Variants in ARHGAP22 observed in about 807,000 individuals in gnomAD.
ARHGAP22 encodes the protein rho GTPase-activating protein 22.
Under a neutral mutation model 59.1 loss-of-function variants are expected in ARHGAP22, and 48 were observed. That is an observed-to-expected ratio of 0.81 (90% confidence interval 0.64 to 1.03). ARHGAP22 has a LOEUF of 1.03. Ranked by LOEUF, ARHGAP22 falls within the 50% of genes least tolerant of loss-of-function variation. The pLI is 0.00. For synonymous variants in ARHGAP22, 445 were observed against 416.4 expected, an observed-to-expected ratio of 1.07 and a Z score of -0.84; for missense variants, 1,015 against 958.7, an observed-to-expected ratio of 1.06 and a Z score of -0.78.
At chr10:48,477,889 T>C (rs963394985) in intron 4 of ARHGAP22, among the ~76,000 whole-genome samples, 1 of 152,234 alleles carries the variant, frequency 6.6e-6, no homozygotes, top group Non-Finnish European at 1.5e-5. Flanking sequence ...ACCACATGTG[T>C]TGCAAACGCC....
intron 3 of ARHGAP22, among the ~76,000 whole-genome samples, chr10:48,512,356 G>A (rs2134567696): frequency 6.6e-6 from 1 of 152,338 alleles, no homozygotes; most frequent in South Asian, 2.1e-4. Context: ...GCAGGAAATT[G>A]CACCTCAACT....
chr10:48,508,396 T>C (rs2134483766), intron 3 of ARHGAP22, among the ~76,000 whole-genome samples: 1 of 152,384 alleles, frequency 6.6e-6, no homozygotes, highest in South Asian at 2.1e-4. Context: ...GCGGCTGGCA[T>C]GGCTGCCCAG....
intron 2 of ARHGAP22, among the ~76,000 whole-genome samples, chr10:48,572,680 T>C (rs560909315): frequency 6.6e-6 from 1 of 152,334 alleles, no homozygotes; most frequent in South Asian, 2.1e-4. Flanking sequence ...ATTCCTGCCT[T>C]ACCATCCATT....
chr10:48,517,980 C>T (rs1428987306), intron 3 of ARHGAP22, among the ~76,000 whole-genome samples: 1 of 152,270 alleles, frequency 6.6e-6, no homozygotes, highest in East Asian at 1.9e-4. Context: ...GGTGGGAGGG[C>T]AGAGGCTCAG....
At position 48,448,767 on chromosome 10, in the gene ARHGAP22, G is replaced by A. The variant is rs117604191; in HGVS notation, c.1868+1494C>T. 9.0e-3 allele frequency among the ~76,000 whole-genome samples: 1,377 copies of A among 152,284 alleles called. 6 individuals are homozygous for A. The highest frequency in any genetic ancestry group is 0.015 in the Admixed American group (235 of 15,300). On this transcript the variant is annotated intron_variant, in intron 9 of 9. Coordinates refer to ENST00000249601, the MANE Select transcript of ARHGAP22 (RefSeq NM_021226.4). ...CAACGACCCAGACCACTCTGCTAGC[G>A]AGTACAGTCCCTCCACAAGGGCTAC...
At position 48,493,642 on chromosome 10, in the gene ARHGAP22, G is replaced by A. The variant is rs2050636924; in HGVS notation, c.323-13878C>T. On this transcript the variant is annotated intron_variant, in intron 3 of 9. Transcript: ENST00000249601. ...GCTCTGCCTGTGGGCATCAGGCTGAGGCCTTTTGTCTCTCCTGGGGAACTT... is the reference window on the plus strand; with the variant it reads ...GCTCTGCCTGTGGGCATCAGGCTGAAGCCTTTTGTCTCTCCTGGGGAACTT... 4 of 1,426,344 alleles carry A rather than the reference G, an allele frequency of 2.8e-6. 1 individual carries two copies. The South Asian group carries it at 4.7e-5, about 17-fold the overall frequency. 88.4% of individuals were successfully genotyped at this position (1,426,344 alleles called of 1,614,324 possible).
chr10:48,440,279 A>G, the ARHGAP22 span, among the ~76,000 whole-genome samples: 2 of 152,220 alleles, frequency 1.3e-5, no homozygotes, highest in Admixed American at 1.3e-4. Context: ...AAACCAAAAG[A>G]TACTTCAAAT....
chr10:48,529,349 C>T (rs955214901), intron 3 of ARHGAP22, among the ~76,000 whole-genome samples: 2 of 152,158 alleles, frequency 1.3e-5, no homozygotes, highest in Non-Finnish European at 2.9e-5. Context: ...TATGTAATCC[C>T]CTCCCTCGAA....
At chr10:48,643,752 T>TAAA (rs35924464) in intron 1 of ARHGAP22, among the ~76,000 whole-genome samples, 118 of 141,232 alleles carry the variant, frequency 8.4e-4, no homozygotes, top group African/African-American at 2.6e-3. Flanking sequence ...AAAGTATAAT[T>TAAA]AAAAAAAAAA....
intron 4 of ARHGAP22, among the ~76,000 whole-genome samples, chr10:48,465,985 A>T (rs1241782146): frequency 1.3e-5 from 2 of 152,114 alleles, no homozygotes; most frequent in African/African-American, 4.8e-5. Flanking sequence ...AATTGCCCCC[A>T]GGGCTGTAAG....
chr10:48,633,976 T>C (rs577128802), intron 1 of ARHGAP22, among the ~76,000 whole-genome samples: 1 of 152,238 alleles, frequency 6.6e-6, no homozygotes, highest in Non-Finnish European at 1.5e-5. Context: ...ATGCCCTATG[T>C]TCTCCCTCAC....
chr10:48,458,262 G>A (rs2046768935), intron 5 of ARHGAP22, among the ~76,000 whole-genome samples: 2 of 152,114 alleles, frequency 1.3e-5, no homozygotes, highest in Non-Finnish European at 2.9e-5. Flanking sequence ...ACAGGGGAGG[G>A]CCTCCAAGAC....
At chr10:48,655,023 TTTCTTTCA>T (rs1249996155), upstream of ARHGAP22, among the ~76,000 whole-genome samples, 593 of 63,590 alleles carry the variant, frequency 9.3e-3, 68 homozygotes, top group South Asian at 0.014. Context: ...TCTTTCTTTC[TTTCTTTCA>T]TTCTTTCTTT....
Position 48,446,163 on chromosome 10 carries a change from C to T in ARHGAP22, c.*228G>A, listed in dbSNP as rs866321772. On this transcript the variant is annotated 3_prime_UTR_variant, in exon 10 of 10. Transcript: ENST00000249601. ...AAGGGCTAAGCGCTACTCTTGGTAC[C>T]GTCCCCTTCTGACCCTCACCAGGAA... is the stretch of plus-strand genomic sequence containing the variant. 4 of 583,782 alleles carry T rather than the reference C, an allele frequency of 6.9e-6. No individual in the cohort carries two copies. The highest frequency in any genetic ancestry group is 2.2e-5 in the South Asian group (1 of 45,480). The allele number at this position is 583,782 out of a possible 1,614,324, so 36.2% of individuals were successfully genotyped here. A position where few individuals can be genotyped will look rare whatever the true frequency, so the allele number is the denominator to read the frequency against.
At chr10:48,638,993 G>A (rs1227633752) in intron 1 of ARHGAP22, among the ~76,000 whole-genome samples, 1 of 152,188 alleles carries the variant, frequency 6.6e-6, no homozygotes, top group Non-Finnish European at 1.5e-5. Context: ...ATTGACCAAA[G>A]ACATGCAACA....
At chr10:48,617,749 T>A (rs2061137127) in intron 1 of ARHGAP22, among the ~76,000 whole-genome samples, 1 of 151,778 alleles carries the variant, frequency 6.6e-6, no homozygotes, top group Non-Finnish European at 1.5e-5. Flanking sequence ...GTAGAAAGAT[T>A]TCAAATAAAC....
At chr10:48,568,861 C>A (rs2058221768) in intron 2 of ARHGAP22, among the ~76,000 whole-genome samples, 1 of 152,198 alleles carries the variant, frequency 6.6e-6, no homozygotes, top group South Asian at 2.1e-4. Context: ...ATGCCATGGT[C>A]CCTGCCATGT....
In ARHGAP22 at chr10:48,454,942, G is replaced by A. The variant is rs569942959; in HGVS notation, c.792+60C>T. The A allele has an allele frequency of 6.6e-6, 10 of 1,512,822 alleles. No individual in the cohort carries two copies. The African/African-American group carries it at 1.1e-4, about 17-fold the overall frequency. 93.7% of individuals were successfully genotyped at this position (1,512,822 alleles called of 1,614,324 possible). On this transcript the variant is annotated intron_variant, in intron 6 of 9. Coordinates refer to ENST00000249601, the MANE Select transcript of ARHGAP22 (RefSeq NM_021226.4). ...TGAAAAGTCAGAGTCTGTGTCCTGAGTCTACAGGCTGCCACCCAGCCAGCC... is the reference window on the plus strand; with the variant it reads ...TGAAAAGTCAGAGTCTGTGTCCTGAATCTACAGGCTGCCACCCAGCCAGCC...
intron 1 of ARHGAP22, among the ~76,000 whole-genome samples, chr10:48,649,357 C>T (rs917372330): frequency 6.6e-5 from 10 of 152,122 alleles, no homozygotes; most frequent in East Asian, 1.9e-4. Context: ...GTCAGGGAGG[C>T]GTGGGAGAGG....
Sources: allele counts gnomAD v4.1 joint callset (sites outside exome capture counted in the v4.1 genomes callset), GRCh38; gene constraint gnomAD v4.1.1; transcripts MANE v1.5; gene names NCBI Gene and HGNC (gene_info 2026-07-23, HGNC 2026-07-21).